Variants in BACH2 observed in about 807,000 individuals in gnomAD.
BACH2 encodes transcription regulator protein BACH2.
BACH2 carries 5 observed loss-of-function variants against 61.8 expected under a neutral mutation model. The observed-to-expected ratio is 0.08, with a 90% CI of 0.04 to 0.17. The LOEUF (loss-of-function observed/expected upper bound fraction) is 0.17. BACH2 is among the 10% of genes least tolerant of loss of function. The probability of loss-of-function intolerance (pLI) is 1.00; values close to 1 mark genes in which losing one functional copy is unlikely to be tolerated. For synonymous variants in BACH2, 446 were observed against 440.1 expected (o/e 1.01, Z -0.17); for missense variants, 824 against 1,091.1 (o/e 0.76, Z 3.45).
chr6:90,248,066 TA>T (rs763890673), intron 3 of BACH2, among the ~76,000 whole-genome samples: 3 of 152,246 alleles, frequency 2.0e-5, no homozygotes, highest in Non-Finnish European at 2.9e-5. Flanking sequence ...AGAAAGGCAC[TA>T]ATTTTATTCC....
At chr6:90,179,965 C>T (rs941117609) in intron 4 of BACH2, among the ~76,000 whole-genome samples, 1 of 151,932 alleles carries the variant, frequency 6.6e-6, no homozygotes, top group East Asian at 1.9e-4. Context: ...AATAGTTACC[C>T]CACTGGAATA....
At chr6:90,121,565 G>T (rs965986639) in intron 4 of BACH2, among the ~76,000 whole-genome samples, 1 of 151,936 alleles carries the variant, frequency 6.6e-6, no homozygotes, top group Admixed American at 6.6e-5. Context: ...ATTTTGAGAC[G>T]AGTCTTACTC....
At chr6:90,092,291 A>AAAAAAAAAATATATATATATAT in intron 4 of BACH2, among the ~76,000 whole-genome samples, 3 of 113,842 alleles carry the variant, frequency 2.6e-5, no homozygotes, top group African/African-American at 1.1e-4. Flanking sequence ...AAAAAAAAAA[A>AAAAAAAAAATATATATATATAT]ATATATATAT....
intron 8 of BACH2, among the ~76,000 whole-genome samples, chr6:89,935,322 A>G (rs1772954291): frequency 6.6e-6 from 1 of 152,186 alleles, no homozygotes. Flanking sequence ...CTCCCCTTTT[A>G]GTACAGAAAT....
Position 90,086,516 on chromosome 6 carries a change from CCT to C in BACH2, c.-13+2443_-13+2444del, listed in dbSNP as rs1781938959. 3.3e-5 allele frequency among the ~76,000 whole-genome samples: 5 copies of C among 152,246 alleles called. No homozygotes were observed. The South Asian group carries it at 1.0e-3, about 32-fold the overall frequency. On this transcript the variant is annotated intron_variant, in intron 5 of 8. Coordinates refer to ENST00000257749, the MANE Select transcript of BACH2 (RefSeq NM_021813.4). ...AAGTACAGAAGTTTCCCACATGCCC[CCT>C]GTCGCCCTCTGCCCCACAAGATTCA...
At chr6:90,044,625 A>C (rs1203444803) in intron 5 of BACH2, among the ~76,000 whole-genome samples, 1 of 152,244 alleles carries the variant, frequency 6.6e-6, no homozygotes, top group Non-Finnish European at 1.5e-5. Context: ...AGGCTCCTGC[A>C]GCAGTCCTGG....
chr6:90,286,915 C>T (rs949772601), intron 1 of BACH2, among the ~76,000 whole-genome samples: 2 of 151,998 alleles, frequency 1.3e-5, no homozygotes, highest in African/African-American at 2.4e-5. Context: ...AAGTCTGGAA[C>T]AAAGAAAGAC....
At chr6:90,092,291 A>AAAAAAAAAAAAAAAAAATATAT in intron 4 of BACH2, among the ~76,000 whole-genome samples, 9 of 113,840 alleles carry the variant, frequency 7.9e-5, no homozygotes, top group African/African-American at 2.5e-4. Flanking sequence ...AAAAAAAAAA[A>AAAAAAAAAAAAAAAAAATATAT]ATATATATAT....
intron 4 of BACH2, among the ~76,000 whole-genome samples, chr6:90,130,857 TGC>T (rs1230972033): frequency 6.6e-6 from 1 of 152,266 alleles, no homozygotes; most frequent in Non-Finnish European, 1.5e-5. Flanking sequence ...CTTTAAGACC[TGC>T]GGTTAATCTG....
At chr6:90,025,247 C>G (rs1257377912) in intron 5 of BACH2, among the ~76,000 whole-genome samples, 2 of 152,174 alleles carry the variant, frequency 1.3e-5, no homozygotes, top group Non-Finnish European at 2.9e-5. Context: ...TTTGGATATG[C>G]AGCTTTGTGA....
rs68182145 is a variant in BACH2 at position 90,098,273 on chromosome 6, G to GC, written c.-161-9165dup. Among the ~76,000 whole-genome samples the GC allele has an allele frequency of 5.7e-3, 863 of 150,414 alleles. 3 individuals carry two copies. Among genetic ancestry groups the GC allele is most frequent in the Admixed American group, 0.01 (155 of 15,108 alleles). On this transcript the variant is annotated intron_variant, in intron 4 of 8. Coordinates refer to ENST00000257749, the MANE Select transcript of BACH2 (RefSeq NM_021813.4). ...ACAATATATTTAGCAAGATTTCTTT[G>GC]CCCCCCCCGCAACCCCCACCCTTCC... is the stretch of plus-strand genomic sequence containing the variant.
At chr6:90,116,060 A>G (rs1392340892) in intron 4 of BACH2, among the ~76,000 whole-genome samples, 1 of 152,194 alleles carries the variant, frequency 6.6e-6, no homozygotes, top group Non-Finnish European at 1.5e-5. Context: ...TGTTGGTGGT[A>G]TTGTAAATGA....
intron 7 of BACH2, among the ~76,000 whole-genome samples, chr6:89,943,549 T>C (rs372840087): frequency 1.3e-5 from 2 of 152,202 alleles, no homozygotes; most frequent in Non-Finnish European, 2.9e-5. Context: ...CTTGCTCTGG[T>C]AGATTTCCCC....
At chr6:90,140,723 C>A (rs1283670964) in intron 4 of BACH2, among the ~76,000 whole-genome samples, 1 of 152,120 alleles carries the variant, frequency 6.6e-6, no homozygotes, top group African/African-American at 2.4e-5. Flanking sequence ...TATTCTACAG[C>A]AATAAAATGA....
At position 90,090,039 on chromosome 6, in the gene BACH2, G is replaced by C. The variant is rs180912603; in HGVS notation, c.-161-930C>G. Among the ~76,000 whole-genome samples the C allele has an allele frequency of 1.7e-3, 255 of 152,240 alleles. 2 individuals are homozygous for C. The highest frequency in any genetic ancestry group is 2.6e-3 in the Non-Finnish European group (178 of 68,012). On this transcript the variant is annotated intron_variant, in intron 4 of 8. Transcript: ENST00000257749. ...CTTTTAGATTTAGAATTAGAGATAA[G>C]GGATTGTGGGCCAGTATTCTTTTCA...
Position 90,124,496 on chromosome 6 carries a change from C to T in BACH2, c.-161-35387G>A, listed in dbSNP as rs139554672. 7.2e-5 allele frequency among the ~76,000 whole-genome samples: 11 copies of T among 152,286 alleles called. No individual in the cohort carries two copies. In the East Asian group the frequency reaches 2.1e-3, roughly 29 times the overall value. Reference sequence around the variant, plus strand: ...TTGTTAACAATTCAGAATTTCGGGCCCTGACACAGCAGGATGTACTAAAAC... The same window carrying T: ...TTGTTAACAATTCAGAATTTCGGGCTCTGACACAGCAGGATGTACTAAAAC... On this transcript the variant is annotated intron_variant, in intron 4 of 8. Coordinates refer to ENST00000257749, the MANE Select transcript of BACH2 (RefSeq NM_021813.4).
chr6:89,932,242 C>G lies in BACH2; in HGVS notation c.*166G>C. The stretch of plus-strand genomic sequence containing the variant: ...TGTGAAGGTAACTATCACTCCTGCT[C>G]GAGAAGAGGAGAGGATACTTCGGAA... On this transcript the variant is annotated 3_prime_UTR_variant, in exon 9 of 9. Transcript: ENST00000257749. The G allele has an allele frequency of 2.1e-6, 2 of 932,468 alleles. No individual in the cohort carries two copies. The highest frequency in any genetic ancestry group is 3.2e-6 in the Non-Finnish European group (2 of 620,670). 57.8% of individuals were successfully genotyped at this position (932,468 alleles called of 1,614,324 possible).
At chr6:90,109,517 C>T (rs771094134) in intron 4 of BACH2, among the ~76,000 whole-genome samples, 1 of 152,172 alleles carries the variant, frequency 6.6e-6, no homozygotes, top group Non-Finnish European at 1.5e-5. Flanking sequence ...CACCTATATG[C>T]TGAAGTCTCT....
At position 90,010,779 on chromosome 6, in the gene BACH2, C is replaced by T. The variant is rs1054969403; in HGVS notation, c.-12-1923G>A. The stretch of plus-strand genomic sequence containing the variant: ...TATGGTCACTCTTTCTAGTTTTGGA[C>T]ATTGTAATAGGTCTATCATATTTCT... On this transcript the variant is annotated intron_variant, in intron 5 of 8. Coordinates refer to ENST00000257749, the MANE Select transcript of BACH2 (RefSeq NM_021813.4). Among the ~76,000 whole-genome samples, 3 of 152,174 alleles carry T rather than the reference C, an allele frequency of 2.0e-5. No individual in the cohort carries two copies. In the East Asian group the frequency reaches 5.8e-4, roughly 29 times the overall value.
Sources: allele counts gnomAD v4.1 joint callset (sites outside exome capture counted in the v4.1 genomes callset), GRCh38; gene constraint gnomAD v4.1.1; transcripts MANE v1.5; gene names NCBI Gene and HGNC (gene_info 2026-07-23, HGNC 2026-07-21).